PRUNE2: variants seen among roughly 807,000 people sequenced by gnomAD.
PRUNE2 encodes the protein prune homolog 2 with BCH domain.
PRUNE2 carries 164 observed loss-of-function variants against 252.0 expected under a neutral mutation model. The ratio of observed to expected loss-of-function variants is 0.65; its 90% CI spans 0.57 to 0.74. The LOEUF (loss-of-function observed/expected upper bound fraction) is 0.74. PRUNE2 is among the 30% of genes least tolerant of loss of function. PRUNE2 has a pLI of 0.00. For missense variants in PRUNE2, 3,495 were observed against 3,711.0 expected (o/e 0.94, Z 1.51); for synonymous variants, 1,292 against 1,350.2 (o/e 0.96, Z 0.94).
chr9:76,747,391 A>G (rs1045942244), intron 6 of PRUNE2, among the ~76,000 whole-genome samples: 1 of 152,196 alleles, frequency 6.6e-6, no homozygotes, highest in East Asian at 1.9e-4. Flanking sequence ...TTGAGCCTTC[A>G]ATGTGCCAGG....
intron 8 of PRUNE2, 21 bp downstream of exon 8, chr9:76,704,740 G>T: frequency 6.8e-7 from 1 of 1,464,474 alleles, no homozygotes; most frequent in Non-Finnish European, 9.2e-7. Context: ...CTTGGAAGTG[G>T]AAGAATGGAA....
chr9:76,710,714 G>T lies in PRUNE2; in HGVS notation c.1560C>A (p.Asp520Glu). The T allele has an allele frequency of 6.2e-7, 1 of 1,612,958 alleles. No individual in the cohort carries two copies. Among genetic ancestry groups the T allele is most frequent in the South Asian group, 1.1e-5 (1 of 90,774 alleles). Reference protein sequence around the residue: ...SHSADYSPADDFFPNSDLSEG... With the variant: ...SHSADYSPADEFFPNSDLSEG... The stretch of plus-strand genomic sequence containing the variant: ...CTGACAGGTCACTGTTGGGGAAGAA[G>T]TCATCTGCTGGGGAGTAGTCTGCAG... The change falls in exon 8 of 19, where the codon GAC becomes GAA. Residue 520 changes from aspartate (D) to glutamate (E), a missense_variant. Transcript: ENST00000376718.
chr9:76,632,990 G>A (rs560650284), intron 15 of PRUNE2, among the ~76,000 whole-genome samples: 2 of 152,330 alleles, frequency 1.3e-5, no homozygotes, highest in East Asian at 3.9e-4. Context: ...GGGAGGCCGA[G>A]GCAGGCGGAT....
chr9:76,762,825 C>A lies in PRUNE2; in HGVS notation c.757-49104G>T, dbSNP rs141490263. ...ACTTGGCAATCTTAATCCAAACAAA[C>A]CAGGTAAAACGTTTTTAGTTGGACT... On this transcript the variant is annotated intron_variant, in intron 6 of 18. Transcript: ENST00000376718. 3.9e-3 allele frequency among the ~76,000 whole-genome samples: 596 copies of A among 152,308 alleles called. 4 individuals carry two copies. Among genetic ancestry groups the A allele is most frequent in the African/African-American group, 0.014 (581 of 41,560 alleles).
intron 17 of PRUNE2, among the ~76,000 whole-genome samples, chr9:76,621,413 G>C (rs1479018336): frequency 6.6e-6 from 1 of 152,136 alleles, no homozygotes; most frequent in African/African-American, 2.4e-5. Context: ...CAACAGAGTA[G>C]AATTTTTTCT....
chr9:76,716,190 T>G (rs1040262575), intron 6 of PRUNE2, among the ~76,000 whole-genome samples: 2 of 152,200 alleles, frequency 1.3e-5, no homozygotes. Context: ...GTGGAAAGTT[T>G]CCTATTCAAA....
chr9:76,846,376 C>A (rs1376316608), intron 4 of PRUNE2, 139 bp downstream of exon 4: 8 of 621,868 alleles, frequency 1.3e-5, no homozygotes, highest in Non-Finnish European at 2.1e-5. Context: ...ACTCTTTACT[C>A]CCTGCCTCTC....
In PRUNE2 at chr9:76,654,309, T is replaced by C. The variant is rs560429127; in HGVS notation, c.8356+1114A>G. On this transcript the variant is annotated intron_variant, in intron 10 of 18. Transcript: ENST00000376718. Reference sequence around the variant, plus strand: ...TGGCTCTGGCCTTGTCCTGGAGAAATTGGCACTGTTCCCCTGTCAGTCATT... The same window carrying C: ...TGGCTCTGGCCTTGTCCTGGAGAAACTGGCACTGTTCCCCTGTCAGTCATT... 3.3e-5 allele frequency among the ~76,000 whole-genome samples: 5 copies of C among 152,324 alleles called. No homozygotes were observed. In the South Asian group the frequency reaches 8.3e-4, roughly 25 times the overall value.
chr9:76,625,015 G>A (rs1422964656), intron 16 of PRUNE2: 25 of 1,302,202 alleles, frequency 1.9e-5, no homozygotes, highest in Non-Finnish European at 2.5e-5. Flanking sequence ...GAGATCAGGA[G>A]ATTTTACCTC....
chr9:76,841,682 G>C (rs1008110477), intron 4 of PRUNE2, among the ~76,000 whole-genome samples: 1 of 152,216 alleles, frequency 6.6e-6, no homozygotes, highest in Non-Finnish European at 1.5e-5. Flanking sequence ...AAGCTGCAGG[G>C]AAGTTCAGAC....
At chr9:76,731,977 A>G (rs2135429609) in intron 6 of PRUNE2, among the ~76,000 whole-genome samples, 1 of 152,356 alleles carries the variant, frequency 6.6e-6, no homozygotes, top group East Asian at 1.9e-4. Flanking sequence ...ACTAGCAAGC[A>G]TCAGGTCCTC....
At chr9:76,620,909 T>C (rs968107) in intron 17 of PRUNE2, among the ~76,000 whole-genome samples, 46,960 of 152,090 alleles carry the variant, frequency 0.31, 8,068 homozygotes, top group African/African-American at 0.45. Context: ...TTCCCAATTT[T>C]CAAAATAAGA....
chr9:76,769,976 G>A (rs1463987564), intron 6 of PRUNE2, among the ~76,000 whole-genome samples: 2 of 152,010 alleles, frequency 1.3e-5, no homozygotes, highest in Non-Finnish European at 2.9e-5. Flanking sequence ...AGATTAACTA[G>A]ACAAGAGCAG....
chr9:76,629,116 T>A, intron 16 of PRUNE2, 76 bp downstream of exon 16: 1 of 854,880 alleles, frequency 1.2e-6, no homozygotes, highest in Non-Finnish European at 1.9e-6. Context: ...GTGCTAGGAT[T>A]ACAGGCGTGA....
rs73653237 is a variant in PRUNE2, at chr9:76,869,891, C to T, written c.37-15683G>A. On this transcript the variant is annotated intron_variant, in intron 1 of 18. Transcript: ENST00000376718. Reference sequence around the variant, plus strand: ...GAACTGACTTGGGTCTCCAGAGCCCCTCAATTGGAAAATTTTTTGATATTA... The same window carrying T: ...GAACTGACTTGGGTCTCCAGAGCCCTTCAATTGGAAAATTTTTTGATATTA... Among the ~76,000 whole-genome samples, 1,029 of 152,264 alleles carry T rather than the reference C, an allele frequency of 6.8e-3. 12 individuals carry two copies. Among genetic ancestry groups the T allele is most frequent in the African/African-American group, 0.023 (963 of 41,556 alleles).
chr9:76,655,616 C>T (rs1848885134), intron 9 of PRUNE2, 114 bp from the exon 10 acceptor site: 1 of 769,450 alleles, frequency 1.3e-6, no homozygotes. Context: ...TAAAATAAAC[C>T]ATGTATGGGG....
chr9:76,798,798 T>C (rs1379846563), intron 6 of PRUNE2, among the ~76,000 whole-genome samples: 1 of 152,176 alleles, frequency 6.6e-6, no homozygotes, highest in African/African-American at 2.4e-5. Flanking sequence ...AGAAGGGTCC[T>C]ATACTAAACG....
chr9:76,648,803 G>T (rs1032469167), intron 11 of PRUNE2, among the ~76,000 whole-genome samples: 1 of 152,236 alleles, frequency 6.6e-6, no homozygotes, highest in Non-Finnish European at 1.5e-5. Flanking sequence ...TACAAGCCAA[G>T]ACTCCTACTC....
At chr9:76,641,473 A>G (rs1842569914) in intron 12 of PRUNE2, among the ~76,000 whole-genome samples, 1 of 152,186 alleles carries the variant, frequency 6.6e-6, no homozygotes, top group Non-Finnish European at 1.5e-5. Flanking sequence ...TTAAAAAATC[A>G]GATAATACTA....
Sources: allele counts gnomAD v4.1 joint callset (sites outside exome capture counted in the v4.1 genomes callset), GRCh38; gene constraint gnomAD v4.1.1; transcripts MANE v1.5; gene names NCBI Gene and HGNC (gene_info 2026-07-23, HGNC 2026-07-21).